The following NFIA variants were observed in gnomAD, a reference collection of about 807,000 sequenced individuals.
NFIA encodes nuclear factor I A, also known as nuclear factor 1 A-type.
NFIA carries 8 observed loss-of-function variants against 62.8 expected under a neutral mutation model. The ratio of observed to expected loss-of-function variants is 0.13; its 90% confidence interval spans 0.07 to 0.23. NFIA has a LOEUF of 0.23. Among genes scored for constraint, NFIA ranks in the 10% least tolerant of loss-of-function variants. The pLI, the probability that NFIA is intolerant of heterozygous loss-of-function variation, is 1.00. For synonymous variants in NFIA, 235 were observed against 238.1 expected, an observed-to-expected ratio of 0.99 and a Z score of 0.12; for missense variants, 410 against 642.1, an observed-to-expected ratio of 0.64 and a Z score of 3.91.
At chr1:61,407,992 T>G (rs146124714) in intron 9 of NFIA, among the ~76,000 whole-genome samples, 16 of 152,244 alleles carry the variant, frequency 1.1e-4, no homozygotes, top group African/African-American at 3.4e-4. Flanking sequence ...AGCCCCTGTT[T>G]ATGCCATGTT....
intron 10 of NFIA, among the ~76,000 whole-genome samples, chr1:61,451,083 T>A (rs1668035272): frequency 6.6e-6 from 1 of 152,146 alleles, no homozygotes; most frequent in Non-Finnish European, 1.5e-5. Flanking sequence ...CTGTGAGGCG[T>A]ACGAAATGGA....
chr1:61,352,906 TAGAA>T (rs1662631288), intron 5 of NFIA, among the ~76,000 whole-genome samples: 2 of 151,976 alleles, frequency 1.3e-5, no homozygotes, highest in African/African-American at 4.8e-5. Flanking sequence ...GTTGGTGAGA[TAGAA>T]AGGAAAAGGA....
At chr1:61,391,473 C>T (rs1336192200) in intron 7 of NFIA, among the ~76,000 whole-genome samples, 1 of 149,630 alleles carries the variant, frequency 6.7e-6, no homozygotes, top group East Asian at 1.9e-4. Context: ...CACACACACA[C>T]ACACACACAC....
intron 7 of NFIA, among the ~76,000 whole-genome samples, chr1:61,391,727 C>T (rs74086964): frequency 0.014 from 2,096 of 152,272 alleles, 51 homozygotes; most frequent in African/African-American, 0.048. Context: ...AATTGTGGCA[C>T]CCCCTCCCCT....
intron 2 of NFIA, among the ~76,000 whole-genome samples, chr1:61,188,759 C>A (rs1422113652): frequency 6.6e-6 from 1 of 152,126 alleles, no homozygotes; most frequent in Non-Finnish European, 1.5e-5. Context: ...CAGATTTAGT[C>A]ATTCTTTTAC....
upstream of NFIA, chr1:61,077,739 A>G (rs1265279431): frequency 8.3e-6 from 6 of 725,402 alleles, no homozygotes; most frequent in Non-Finnish European, 1.2e-5. Context: ...TCTAGCTCGC[A>G]TATGCACTTA....
chr1:61,238,588 A>C (rs945030298), intron 2 of NFIA, among the ~76,000 whole-genome samples: 2 of 152,142 alleles, frequency 1.3e-5, no homozygotes, highest in Non-Finnish European at 2.9e-5. Context: ...TCTCAGACAG[A>C]CATCCTGGCT....
rs67912567 is a variant in NFIA, at chr1:61,257,329, GTTTTTTTTTTT to G, written c.560-20175_560-20165del. On this transcript the variant is annotated intron_variant, in intron 2 of 10. Transcript: ENST00000403491. ...TGTTTTTTATATTTTTTACTGCGTT[GTTTTTTTTTTT>G]TTTTTTTTTTTTTTTGAGACAGAGT... is the stretch of plus-strand genomic sequence containing the variant. Among the ~76,000 whole-genome samples, 3 of 54,696 alleles carry G rather than the reference GTTTTTTTTTTT, an allele frequency of 5.5e-5. 1 individual carries two copies. The highest frequency in any genetic ancestry group is 6.6e-5 in the Non-Finnish European group (2 of 30,436). 35.9% of individuals were successfully genotyped at this position (54,696 alleles called of 152,430 possible). A position where few individuals can be genotyped will look rare whatever the true frequency, so the allele number is the denominator to read the frequency against.
In NFIA at chr1:61,455,565, C is replaced by T. The variant is rs552667379; in HGVS notation, c.*245C>T. ...GACTGTTGTAATTTCTCATATGGTG[C>T]TGGAAATGGTTGGGCTTTGTAACAT... On this transcript the variant is annotated 3_prime_UTR_variant, in exon 11 of 11. Transcript: ENST00000403491. 1 of 566,658 alleles carries T rather than the reference C, an allele frequency of 1.8e-6. No homozygotes were observed. The highest frequency in any genetic ancestry group is 1.9e-5 in the African/African-American group (1 of 51,672). The allele number at this position is 566,658 out of a possible 1,614,324, so 35.1% of individuals were successfully genotyped here. A position where few individuals can be genotyped will look rare whatever the true frequency, so the allele number is the denominator to read the frequency against.
At chr1:61,125,203 T>C (rs563781940) in intron 2 of NFIA, 1 of 152,340 alleles carries the variant, frequency 6.6e-6, no homozygotes, top group Non-Finnish European at 1.5e-5. Context: ...GAATATCCCC[T>C]TTTTTGTTGT....
intron 5 of NFIA, among the ~76,000 whole-genome samples, chr1:61,358,330 GA>G (rs35068455): frequency 0.79 from 112,562 of 141,658 alleles, 44,525 homozygotes; most frequent in East Asian, 0.95. Context: ...TGTGGCAAAA[GA>G]AAAAAAAAGC....
chr1:61,222,618 C>T (rs1355498257), intron 2 of NFIA, among the ~76,000 whole-genome samples: 1 of 152,072 alleles, frequency 6.6e-6, no homozygotes, highest in African/African-American at 2.4e-5. Context: ...GTCAGTACCA[C>T]ATCTGGTAAA....
chr1:61,304,558 G>A (rs1292985384), intron 3 of NFIA, among the ~76,000 whole-genome samples: 3 of 152,124 alleles, frequency 2.0e-5, no homozygotes, highest in African/African-American at 7.2e-5. Context: ...TAGGAACATG[G>A]AACTCATAGA....
At chr1:61,383,893 C>T (rs1664553949) in intron 7 of NFIA, among the ~76,000 whole-genome samples, 1 of 152,204 alleles carries the variant, frequency 6.6e-6, no homozygotes, top group Non-Finnish European at 1.5e-5. Context: ...TCTTCATTCA[C>T]TCCTTTTGAA....
intron 2 of NFIA, among the ~76,000 whole-genome samples, chr1:61,227,487 G>A (rs1476320119): frequency 6.6e-6 from 1 of 152,112 alleles, no homozygotes; most frequent in Admixed American, 6.5e-5. Flanking sequence ...CTGAAAGGCG[G>A]TATTCTTTCT....
chr1:61,077,502 C>T, upstream of NFIA: 1 of 892,330 alleles, frequency 1.1e-6, no homozygotes, highest in Non-Finnish European at 1.5e-6. Flanking sequence ...TAAAAAATCT[C>T]TTCCGGGTTT....
At chr1:61,135,387 CCTAA>C (rs914957891) in intron 2 of NFIA, among the ~76,000 whole-genome samples, 3 of 152,118 alleles carry the variant, frequency 2.0e-5, no homozygotes, top group Non-Finnish European at 4.4e-5. Flanking sequence ...CTTCTTGTTA[CCTAA>C]CTGTTGATTG....
chr1:61,266,718 A>G (rs1361860736), intron 2 of NFIA, among the ~76,000 whole-genome samples: 1 of 152,132 alleles, frequency 6.6e-6, no homozygotes, highest in African/African-American at 2.4e-5. Context: ...CTATTTTTTC[A>G]TCTTTGTATT....
intron 2 of NFIA, among the ~76,000 whole-genome samples, chr1:61,173,616 C>G (rs1268420951): frequency 6.6e-6 from 1 of 152,140 alleles, no homozygotes; most frequent in Non-Finnish European, 1.5e-5. Flanking sequence ...TCTCGAACTG[C>G]TGGCCTCAAG....
Sources: allele counts gnomAD v4.1 joint callset (sites outside exome capture counted in the v4.1 genomes callset), GRCh38; gene constraint gnomAD v4.1.1; transcripts MANE v1.5; gene names NCBI Gene and HGNC (gene_info 2026-07-23, HGNC 2026-07-21).